Variants in PFKFB3 observed in about 807,000 individuals in gnomAD.
The protein encoded by PFKFB3 is 6-phosphofructo-2-kinase/fructose-2,6-bisphosphatase 3.
Under a neutral mutation model 68.0 loss-of-function variants are expected in PFKFB3, and 33 were observed. The observed-to-expected ratio is 0.49, with a 90% CI of 0.37 to 0.65. The LOEUF is 0.65. Ranked by LOEUF, PFKFB3 falls within the 30% of genes least tolerant of loss-of-function variation. The pLI is 0.00. For synonymous variants in PFKFB3, 315 were observed against 288.2 expected, an observed-to-expected ratio of 1.09 and a Z score of -0.94; for missense variants, 586 against 712.2, an observed-to-expected ratio of 0.82 and a Z score of 2.02.
At chr10:6,163,187 T>C (rs1221660977) in intron 1 of PFKFB3, among the ~76,000 whole-genome samples, 1 of 152,010 alleles carries the variant, frequency 6.6e-6, no homozygotes, top group Non-Finnish European at 1.5e-5. Context: ...TGACACCGAG[T>C]TGAGGGAGAT....
intron 4 of PFKFB3, 80 bp downstream of exon 4, chr10:6,216,271 C>A: frequency 7.6e-7 from 1 of 1,319,410 alleles, no homozygotes; most frequent in Non-Finnish European, 1.1e-6. Context: ...TGTACCGAGA[C>A]CTGTGCCTCT....
chr10:6,170,421 A>G (rs1041214546), intron 1 of PFKFB3, among the ~76,000 whole-genome samples: 10 of 152,194 alleles, frequency 6.6e-5, no homozygotes, highest in Admixed American at 6.5e-4. Context: ...AGACGAAAAT[A>G]TAAACTGGAC....
intron 6 of PFKFB3, among the ~76,000 whole-genome samples, chr10:6,217,805 A>G (rs1277188640): frequency 2.0e-5 from 3 of 152,220 alleles, no homozygotes; most frequent in Admixed American, 1.3e-4. Flanking sequence ...AATGGTTACT[A>G]TGGAGACTTA....
chr10:6,171,979 A>G (rs1303766530), intron 1 of PFKFB3, among the ~76,000 whole-genome samples: 1 of 152,236 alleles, frequency 6.6e-6, no homozygotes. Flanking sequence ...GGGCTGATTC[A>G]GAAAACATGA....
chr10:6,215,184 G>A lies in PFKFB3; in HGVS notation c.203-37G>A, dbSNP rs769695703. The A allele has an allele frequency of 2.6e-5, 41 of 1,581,484 alleles. No individual in the cohort carries two copies. The highest frequency in any genetic ancestry group is 3.3e-5 in the Non-Finnish European group (38 of 1,150,962). On this transcript the variant is annotated intron_variant, in intron 2 of 14. Coordinates refer to ENST00000379775, the MANE Select transcript of PFKFB3 (RefSeq NM_004566.4). The surrounding 1 kb of genome is among the most constrained non-coding windows in gnomAD (Gnocchi z 4.3). ...CGGTGTGAGCTGGCCCCTTCCTCCTGCTCGATCATCCAGACTGTTCTCTTT... is the reference window on the plus strand; with the variant it reads ...CGGTGTGAGCTGGCCCCTTCCTCCTACTCGATCATCCAGACTGTTCTCTTT...
chr10:6,313,533 C>T, the PFKFB3 span, among the ~76,000 whole-genome samples: 17 of 152,196 alleles, frequency 1.1e-4, no homozygotes, highest in African/African-American at 3.9e-4. The surrounding 1 kb of genome is among the most constrained non-coding windows in gnomAD (Gnocchi z 4.2). Flanking sequence ...ACTCAGTTCA[C>T]AGCCCCTCCT....
At chr10:6,243,106 T>G (rs1288062714) in intron 14 of PFKFB3, among the ~76,000 whole-genome samples, 1 of 152,194 alleles carries the variant, frequency 6.6e-6, no homozygotes, top group South Asian at 2.1e-4. Context: ...CTACCAGAGC[T>G]AACGTCTAAT....
At chr10:6,164,187 C>T (rs994374702) in intron 1 of PFKFB3, among the ~76,000 whole-genome samples, 3 of 151,802 alleles carry the variant, frequency 2.0e-5, no homozygotes, top group Non-Finnish European at 2.9e-5. Flanking sequence ...CCACCCCGCG[C>T]GTGGATGCGG....
At chr10:6,245,061 C>A (rs1846224763) in intron 14 of PFKFB3, among the ~76,000 whole-genome samples, 1 of 152,170 alleles carries the variant, frequency 6.6e-6, no homozygotes, top group Non-Finnish European at 1.5e-5. Context: ...GGTGTCACAG[C>A]TGCTGGGACT....
the PFKFB3 span, among the ~76,000 whole-genome samples, chr10:6,262,347 C>T: frequency 4.9e-5 from 6 of 122,350 alleles, no homozygotes. Context: ...CCAGCTGCTC[C>T]AGAGGCTGAG....
upstream of PFKFB3, among the ~76,000 whole-genome samples, chr10:6,198,596 C>A (rs1198563641): frequency 6.6e-6 from 1 of 152,214 alleles, no homozygotes; most frequent in Non-Finnish European, 1.5e-5. Flanking sequence ...GATTCTTGTG[C>A]CTCAGCCTCC....
chr10:6,287,636 T>A, the PFKFB3 span, among the ~76,000 whole-genome samples: 1 of 152,154 alleles, frequency 6.6e-6, no homozygotes, highest in Non-Finnish European at 1.5e-5. Flanking sequence ...ATGACACATA[T>A]CTCAGAATAC....
At chr10:6,237,953 C>G (rs1846058169), downstream of PFKFB3, among the ~76,000 whole-genome samples, 1 of 147,820 alleles carries the variant, frequency 6.8e-6, no homozygotes, top group Non-Finnish European at 1.5e-5. Flanking sequence ...GGTGTGTGAG[C>G]CGGTCTTTCC....
At chr10:6,182,286 GCA>G (rs931721290) in intron 1 of PFKFB3, among the ~76,000 whole-genome samples, 12 of 151,834 alleles carry the variant, frequency 7.9e-5, no homozygotes, top group African/African-American at 2.9e-4. Context: ...ACAGAAGCAC[GCA>G]CACACACACC....
chr10:6,223,027 G>GA, intron 11 of PFKFB3, 43 bp downstream of exon 11: 1 of 1,592,988 alleles, frequency 6.3e-7, no homozygotes, highest in Non-Finnish European at 8.6e-7. Flanking sequence ...GGGAGGAGGG[G>GA]ACTGGCACTC....
At chr10:6,192,977 C>T (rs534320963) in intron 1 of PFKFB3, among the ~76,000 whole-genome samples, 1 of 152,300 alleles carries the variant, frequency 6.6e-6, no homozygotes, top group Non-Finnish European at 1.5e-5. Context: ...GAATGGCTGT[C>T]TGTCCACCTC....
rs199534785 is a variant in PFKFB3, at chr10:6,206,039, T to C, written c.76+2703T>C. Among the ~76,000 whole-genome samples, 8 of 151,140 alleles carry C rather than the reference T, an allele frequency of 5.3e-5. No individual in the cohort carries two copies. In the East Asian group the frequency reaches 1.4e-3, roughly 26 times the overall value. On this transcript the variant is annotated intron_variant, in intron 1 of 14. Transcript: ENST00000379775. ...CGCAGAGGGGGATTTGGCAGGGTCATAGGACAATAGTGGAGGGAAGGTCAG... is the reference window on the plus strand; with the variant it reads ...CGCAGAGGGGGATTTGGCAGGGTCACAGGACAATAGTGGAGGGAAGGTCAG...
chr10:6,298,796 A>G, the PFKFB3 span, among the ~76,000 whole-genome samples: 2 of 152,200 alleles, frequency 1.3e-5, no homozygotes, highest in Non-Finnish European at 2.9e-5. Context: ...ACGCACCCCA[A>G]CGCAGGTGCT....
chr10:6,306,484 T>C, the PFKFB3 span, among the ~76,000 whole-genome samples: 1 of 152,224 alleles, frequency 6.6e-6, no homozygotes, highest in Admixed American at 6.5e-5. Context: ...GAGGCCATCA[T>C]CACAATGTGG....
Sources: allele counts gnomAD v4.1 joint callset (sites outside exome capture counted in the v4.1 genomes callset), GRCh38; gene constraint gnomAD v4.1.1; non-coding constraint Gnocchi (gnomAD v3.1); transcripts MANE v1.5; gene names NCBI Gene and HGNC (gene_info 2026-07-23, HGNC 2026-07-21).